Variants in CNTN5 observed in about 807,000 individuals in gnomAD.
The protein encoded by CNTN5 is contactin-5.
A neutral mutation model predicts 129.1 loss-of-function variants in CNTN5; 77 were observed. The observed-to-expected ratio is 0.60, with a 90% CI of 0.50 to 0.72. The LOEUF is 0.72. CNTN5 is among the 30% of genes least tolerant of loss of function. CNTN5 has a pLI of 0.00. For synonymous variants in CNTN5, 509 were observed against 465.6 expected (o/e 1.09, Z -1.20); for missense variants, 1,478 against 1,328.8 (o/e 1.11, Z -1.75).
chr11:100,312,744 C>A (rs2138935112), intron 21 of CNTN5, among the ~76,000 whole-genome samples: 1 of 152,082 alleles, frequency 6.6e-6, no homozygotes, highest in East Asian at 1.9e-4. Context: ...ACTTCACATG[C>A]AAAATCTAAA....
intron 3 of CNTN5, among the ~76,000 whole-genome samples, chr11:99,742,154 G>A (rs1418770787): frequency 2.0e-5 from 3 of 152,130 alleles, no homozygotes; most frequent in African/African-American, 4.8e-5. Flanking sequence ...ACTTAAAGTA[G>A]GAGGAAGTGT....
chr11:99,292,746 C>CA (rs1477959149), intron 1 of CNTN5, among the ~76,000 whole-genome samples: 1 of 152,038 alleles, frequency 6.6e-6, no homozygotes, highest in African/African-American at 2.4e-5. Flanking sequence ...CTAGGCTTAC[C>CA]AGCCTTGACA....
intron 3 of CNTN5, among the ~76,000 whole-genome samples, chr11:99,755,333 T>A (rs1944371705): frequency 6.6e-6 from 1 of 152,188 alleles, no homozygotes; most frequent in African/African-American, 2.4e-5. Context: ...CATTTTGCAC[T>A]CCTGTCAGCA....
chr11:99,135,060 A>G (rs4451693), intron 1 of CNTN5, among the ~76,000 whole-genome samples: 137,098 of 152,212 alleles, frequency 0.9, 61,951 homozygotes, highest in East Asian at 0.99. Context: ...TAAGCCTTGC[A>G]ATGTTCTGCG....
chr11:99,621,898 A>G (rs1406461591), intron 3 of CNTN5, among the ~76,000 whole-genome samples: 2 of 152,208 alleles, frequency 1.3e-5, no homozygotes, highest in Non-Finnish European at 2.9e-5. Context: ...GCCTTTAAGC[A>G]GAAATGTTGA....
intron 2 of CNTN5, among the ~76,000 whole-genome samples, chr11:99,335,802 T>C (rs1463234149): frequency 6.6e-6 from 1 of 152,068 alleles, no homozygotes; most frequent in Non-Finnish European, 1.5e-5. Context: ...GCCTCCGTGG[T>C]GCTAGAGAAA....
Position 100,044,402 on chromosome 11 carries a change from A to G in CNTN5, c.981-16810A>G, listed in dbSNP as rs529111740. ...TTTCTATGTTTAGTTATTTGAGAAA[A>G]CTCCAAACTGTTTTCGATAGAGAAT... On this transcript the variant is annotated intron_variant, in intron 9 of 24. Transcript: ENST00000524871. Among the ~76,000 whole-genome samples, 62 of 151,286 alleles carry G rather than the reference A, an allele frequency of 4.1e-4. No homozygotes were observed. In the Middle Eastern group the frequency reaches 0.021, roughly 50 times the overall value.
At chr11:99,999,460 C>T (rs369569045) in intron 8 of CNTN5, among the ~76,000 whole-genome samples, 10,540 of 152,128 alleles carry the variant, frequency 0.069, 674 homozygotes, top group African/African-American at 0.16. Context: ...CAATGAGATA[C>T]CATCTCACAC....
At chr11:99,913,764 A>T (rs1458050081) in intron 6 of CNTN5, among the ~76,000 whole-genome samples, 2 of 152,062 alleles carry the variant, frequency 1.3e-5, no homozygotes, top group African/African-American at 4.8e-5. Flanking sequence ...TAATCTTGTA[A>T]ATACAATAGG....
intron 1 of CNTN5, among the ~76,000 whole-genome samples, chr11:99,063,908 CTAAA>C (rs1255561043): frequency 2.0e-5 from 3 of 152,058 alleles, no homozygotes; most frequent in Non-Finnish European, 4.4e-5. Flanking sequence ...ATGTACATGA[CTAAA>C]TAAGTGTGCA....
chr11:99,834,169 T>G (rs939620901), intron 4 of CNTN5, among the ~76,000 whole-genome samples: 4 of 152,194 alleles, frequency 2.6e-5, no homozygotes, highest in African/African-American at 9.7e-5. Flanking sequence ...AACCAGAGGT[T>G]GTTGTCCATT....
intron 16 of CNTN5, among the ~76,000 whole-genome samples, chr11:100,252,326 G>A (rs1215242700): frequency 6.6e-6 from 1 of 151,992 alleles, no homozygotes; most frequent in Non-Finnish European, 1.5e-5. Flanking sequence ...CCCCTTTCAC[G>A]TGAATAGTCT....
At chr11:99,227,142 C>T (rs556893903) in intron 1 of CNTN5, among the ~76,000 whole-genome samples, 3 of 152,016 alleles carry the variant, frequency 2.0e-5, no homozygotes, top group African/African-American at 4.8e-5. Flanking sequence ...GGGTGGATCA[C>T]GAGGTCAGGA....
intron 9 of CNTN5, among the ~76,000 whole-genome samples, chr11:100,049,015 T>C (rs1032640403): frequency 6.6e-6 from 1 of 152,120 alleles, no homozygotes; most frequent in African/African-American, 2.4e-5. Context: ...AATAAAGACA[T>C]TTTTAGCTAA....
At chr11:99,846,694 T>G (rs921192109) in intron 6 of CNTN5, among the ~76,000 whole-genome samples, 1 of 152,106 alleles carries the variant, frequency 6.6e-6, no homozygotes, top group Admixed American at 6.5e-5. Flanking sequence ...ATGTAATCTT[T>G]CCCAGGTATC....
intron 2 of CNTN5, among the ~76,000 whole-genome samples, chr11:99,382,849 T>G (rs1387985288): frequency 2.6e-5 from 2 of 78,066 alleles, no homozygotes; most frequent in South Asian, 4.9e-4. Flanking sequence ...AAATAACTTT[T>G]TTTTTTTTTT....
At chr11:99,203,584 T>A (rs549125888) in intron 1 of CNTN5, among the ~76,000 whole-genome samples, 13 of 152,206 alleles carry the variant, frequency 8.5e-5, no homozygotes, top group Middle Eastern at 3.4e-3. Context: ...ACATTTCTTT[T>A]TTTTTTGGGT....
At chr11:99,711,463 C>T (rs551506564) in intron 3 of CNTN5, among the ~76,000 whole-genome samples, 1 of 151,504 alleles carries the variant, frequency 6.6e-6, no homozygotes, top group South Asian at 2.1e-4. Flanking sequence ...TTTTTACTCT[C>T]TTATACATCG....
At chr11:99,925,536 C>A (rs1218863418) in intron 7 of CNTN5, among the ~76,000 whole-genome samples, 1 of 152,112 alleles carries the variant, frequency 6.6e-6, no homozygotes, top group East Asian at 1.9e-4. Context: ...AAGATGCTGA[C>A]ACCTTTCTAG....
Sources: allele counts gnomAD v4.1 joint callset (sites outside exome capture counted in the v4.1 genomes callset), GRCh38; gene constraint gnomAD v4.1.1; transcripts MANE v1.5; gene names NCBI Gene and HGNC (gene_info 2026-07-23, HGNC 2026-07-21).